Variants in CTNNA3 observed in about 807,000 individuals in gnomAD.
CTNNA3 encodes the protein catenin alpha 3.
CTNNA3 carries 76 observed loss-of-function variants against 95.7 expected under a neutral mutation model. The observed-to-expected ratio is 0.79, with a 90% confidence interval of 0.66 to 0.96. CTNNA3 has a LOEUF of 0.96. Among genes scored for constraint, CTNNA3 ranks in the 40% least tolerant of loss-of-function variants. The pLI, the probability that CTNNA3 is intolerant of heterozygous loss-of-function variation, is 0.00. For missense variants in CTNNA3, 1,191 were observed against 1,089.8 expected, an observed-to-expected ratio of 1.09 and a Z score of -1.31; for synonymous variants, 431 against 374.4, an observed-to-expected ratio of 1.15 and a Z score of -1.74.
intron 5 of CTNNA3, among the ~76,000 whole-genome samples, chr10:67,495,721 A>T (rs914800648): frequency 1.3e-5 from 2 of 152,140 alleles, no homozygotes; most frequent in African/African-American, 4.8e-5. Context: ...AGAATTTGCC[A>T]TTTTTTATTA....
At chr10:66,792,971 T>A (rs6480214) in intron 7 of CTNNA3, among the ~76,000 whole-genome samples, 50,114 of 151,894 alleles carry the variant, frequency 0.33, 10,583 homozygotes, top group African/African-American at 0.61. Context: ...AATAAATATG[T>A]ACAGAAATCA....
At chr10:66,921,879 A>C (rs1167710368) in intron 7 of CTNNA3, among the ~76,000 whole-genome samples, 2 of 152,222 alleles carry the variant, frequency 1.3e-5, no homozygotes, top group Non-Finnish European at 2.9e-5. Context: ...CAGTGTCTGG[A>C]ACAGTGTTTA....
At chr10:66,375,649 T>C (rs2092791463) in intron 12 of CTNNA3, among the ~76,000 whole-genome samples, 1 of 151,756 alleles carries the variant, frequency 6.6e-6, no homozygotes, top group African/African-American at 2.4e-5. Context: ...ATGTAAACCA[T>C]ATTAAATGAA....
intron 3 of CTNNA3, among the ~76,000 whole-genome samples, chr10:67,588,152 C>A (rs111773623): frequency 6.6e-6 from 1 of 150,582 alleles, no homozygotes; most frequent in East Asian, 2.0e-4. Flanking sequence ...TTGCATCTCA[C>A]CGAGCTTCCT....
chr10:67,216,286 T>C (rs990449717), intron 6 of CTNNA3, among the ~76,000 whole-genome samples: 1 of 152,090 alleles, frequency 6.6e-6, no homozygotes, highest in African/African-American at 2.4e-5. Flanking sequence ...AGAGAATATA[T>C]ATAAAGTTTT....
chr10:67,275,507 G>A (rs911849246), intron 5 of CTNNA3, among the ~76,000 whole-genome samples: 1 of 152,028 alleles, frequency 6.6e-6, no homozygotes, highest in African/African-American at 2.4e-5. Flanking sequence ...GACTGACAAT[G>A]AATGTGCTAA....
At chr10:66,392,755 A>G (rs1290174671) in intron 11 of CTNNA3, among the ~76,000 whole-genome samples, 1 of 152,170 alleles carries the variant, frequency 6.6e-6, no homozygotes, top group African/African-American at 2.4e-5. Flanking sequence ...ATGTAGAGCA[A>G]TAAGAACTCT....
intron 7 of CTNNA3, among the ~76,000 whole-genome samples, chr10:67,176,404 T>C (rs1457322420): frequency 6.6e-6 from 1 of 152,192 alleles, no homozygotes; most frequent in Admixed American, 6.5e-5. Context: ...CTAAATTCTA[T>C]GCATTGTGCC....
intron 5 of CTNNA3, among the ~76,000 whole-genome samples, chr10:67,486,723 A>T (rs1184005719): frequency 6.6e-6 from 1 of 152,142 alleles, no homozygotes; most frequent in African/African-American, 2.4e-5. Flanking sequence ...CCTGAATAAG[A>T]GCTTTGTCCT....
At chr10:67,722,276 G>T (rs1402922416) in intron 1 of CTNNA3, among the ~76,000 whole-genome samples, 1 of 152,180 alleles carries the variant, frequency 6.6e-6, no homozygotes, top group Non-Finnish European at 1.5e-5. Context: ...GGCTGATAGG[G>T]AAGGTGAGAG....
chr10:67,019,221 A>C (rs1852839927), intron 7 of CTNNA3, among the ~76,000 whole-genome samples: 1 of 151,790 alleles, frequency 6.6e-6, no homozygotes, highest in Non-Finnish European at 1.5e-5. Flanking sequence ...ATTTTATTTT[A>C]TTATTATTTT....
At chr10:66,002,865 C>T (rs1001615070) in intron 15 of CTNNA3, among the ~76,000 whole-genome samples, 8 of 152,132 alleles carry the variant, frequency 5.3e-5, no homozygotes, top group Non-Finnish European at 1.5e-5. Flanking sequence ...CTATTCCGTT[C>T]GGGAAAGAAA....
At chr10:67,479,085 A>C (rs1848124894) in intron 5 of CTNNA3, among the ~76,000 whole-genome samples, 1 of 152,206 alleles carries the variant, frequency 6.6e-6, no homozygotes. Flanking sequence ...ACTCAACAGT[A>C]GAGCACCTAG....
chr10:66,856,087 GA>G (rs1843672926), intron 7 of CTNNA3, among the ~76,000 whole-genome samples: 1 of 151,752 alleles, frequency 6.6e-6, no homozygotes, highest in South Asian at 2.1e-4. Flanking sequence ...CTCCACCCTA[GA>G]GTACACCCTG....
chr10:67,691,017 G>C lies in CTNNA3; in HGVS notation c.-6+4983C>G, dbSNP rs368413509. Among the ~76,000 whole-genome samples the C allele has an allele frequency of 1.9e-4, 29 of 152,294 alleles. No homozygotes were observed. The South Asian group carries it at 5.8e-3, about 30-fold the overall frequency. On this transcript the variant is annotated intron_variant, in intron 1 of 17. Coordinates refer to ENST00000433211, the MANE Select transcript of CTNNA3 (RefSeq NM_013266.4). ...CCTGATTCTCCTGCCTCAGCCTGCC[G>C]AGTGCCTGCGATTGCAGGCGCGCGC... is the stretch of plus-strand genomic sequence containing the variant.
intron 7 of CTNNA3, among the ~76,000 whole-genome samples, chr10:67,127,356 A>G (rs960182608): frequency 6.6e-6 from 1 of 152,202 alleles, no homozygotes; most frequent in South Asian, 2.1e-4. Context: ...AGGAGTTCCA[A>G]AGTTTGTGCT....
At chr10:67,065,494 T>C (rs1366685342) in intron 7 of CTNNA3, among the ~76,000 whole-genome samples, 3 of 152,128 alleles carry the variant, frequency 2.0e-5, no homozygotes, top group African/African-American at 7.2e-5. Context: ...AGAAACTAGC[T>C]AGCTTCCCAC....
chr10:67,046,397 G>T (rs948398228), intron 7 of CTNNA3, among the ~76,000 whole-genome samples: 1 of 152,290 alleles, frequency 6.6e-6, no homozygotes, highest in African/African-American at 2.4e-5. Flanking sequence ...CTCTACCAGA[G>T]TAACTGAAAC....
intron 5 of CTNNA3, among the ~76,000 whole-genome samples, chr10:67,340,760 A>C (rs1249941995): frequency 6.6e-6 from 1 of 152,246 alleles, no homozygotes; most frequent in African/African-American, 2.4e-5. Context: ...GATGTGGCTT[A>C]AAATAAGTAG....
Sources: gnomAD v4.1 joint callset for allele counts (sites outside exome capture counted in the v4.1 genomes callset) on GRCh38, gnomAD v4.1.1 for gene constraint, MANE v1.5 for transcripts, NCBI Gene and HGNC (gene_info 2026-07-23, HGNC 2026-07-21) for gene names.